ALX1: variants seen among roughly 807,000 people sequenced by gnomAD.
ALX1 encodes the protein ALX homeobox 1.
In ALX1, 19 loss-of-function variants were observed where a neutral mutation model predicts 31.7. That is an observed-to-expected ratio of 0.60 (90% CI 0.42 to 0.88). The LOEUF (loss-of-function observed/expected upper bound fraction) is 0.88, where lower values mean the gene tolerates loss of function less well. Ranked by LOEUF, ALX1 falls within the 40% of genes least tolerant of loss-of-function variation. ALX1 has a pLI of 0.00. For synonymous variants in ALX1, 153 were observed against 148.8 expected, an observed-to-expected ratio of 1.03 and a Z score of -0.20; for missense variants, 415 against 407.8, an observed-to-expected ratio of 1.02 and a Z score of -0.15.
chr12:85,291,265 G>A (rs1896814769), intron 3 of ALX1, among the ~76,000 whole-genome samples: 1 of 151,014 alleles, frequency 6.6e-6, no homozygotes, highest in African/African-American at 2.4e-5. Flanking sequence ...CACTGTTGCA[G>A]GGATCAGGAA....
intron 3 of ALX1, among the ~76,000 whole-genome samples, chr12:85,298,224 A>T (rs1298234847): frequency 6.6e-6 from 1 of 151,750 alleles, no homozygotes; most frequent in Non-Finnish European, 1.5e-5. Flanking sequence ...GGAACTATGC[A>T]ATCTTGGGTG....
intron 3 of ALX1, among the ~76,000 whole-genome samples, chr12:85,293,112 C>G (rs1368606214): frequency 6.7e-6 from 1 of 150,262 alleles, no homozygotes; most frequent in Non-Finnish European, 1.5e-5. Context: ...CAATTTGTCA[C>G]TGATAATAAA....
intron 3 of ALX1, among the ~76,000 whole-genome samples, chr12:85,293,346 ATTCTT>A (rs1565942637): frequency 6.7e-6 from 1 of 150,358 alleles, no homozygotes; most frequent in Non-Finnish European, 1.5e-5. Flanking sequence ...GCTACAGTGA[ATTCTT>A]TTCTTAATTT....
intron 3 of ALX1, among the ~76,000 whole-genome samples, chr12:85,298,591 G>C (rs193245279): frequency 4.1e-4 from 62 of 151,784 alleles, no homozygotes; most frequent in Middle Eastern, 3.4e-3. Context: ...AGTGGTGCTG[G>C]GGAGGGGGAA....
chr12:85,284,907 T>G (rs1896728917), intron 2 of ALX1, among the ~76,000 whole-genome samples: 1 of 152,054 alleles, frequency 6.6e-6, no homozygotes. Flanking sequence ...ACGGTATTTC[T>G]TCTTAAAATT....
chr12:85,281,110 C>T (rs1273122732), intron 1 of ALX1, among the ~76,000 whole-genome samples: 10 of 152,102 alleles, frequency 6.6e-5, no homozygotes. Flanking sequence ...ATACAACACG[C>T]GTTGAATGTT....
rs375614518 is a variant in ALX1 at position 85,280,426 on chromosome 12, C to T, written c.165C>T (p.Pro55=). ...GCAAATGCGTGCAGGCCTTCGGACC[C>T]CTGCCCCGCGCCGAGCATCACGTGC... The part of the protein sequence containing the change: ...SAGKCVQAFG[P]LPRAEHHVRL... The change falls in exon 1 of 4, where the codon CCC becomes CCT. Residue 55 remains proline, a synonymous_variant. Transcript: ENST00000316824. The T allele has an allele frequency of 1.2e-6, 2 of 1,612,686 alleles. No homozygotes were observed. The highest frequency in any genetic ancestry group is 1.7e-6 in the Non-Finnish European group (2 of 1,180,036).
chr12:85,292,671 T>G (rs1031630152), intron 3 of ALX1, among the ~76,000 whole-genome samples: 12 of 150,988 alleles, frequency 7.9e-5, no homozygotes, highest in Non-Finnish European at 1.5e-4. Context: ...AAAATGAAAT[T>G]TTAAGGTTTT....
intron 3 of ALX1, among the ~76,000 whole-genome samples, chr12:85,294,686 T>C (rs1896863681): frequency 6.6e-6 from 1 of 151,196 alleles, no homozygotes. Context: ...TTCGTGCTTT[T>C]AATTTTGCAC....
At chr12:85,284,599 T>G (rs1277406879) in intron 2 of ALX1, among the ~76,000 whole-genome samples, 1 of 152,154 alleles carries the variant, frequency 6.6e-6, no homozygotes, top group Admixed American at 6.5e-5. Context: ...TTCTAGTTAT[T>G]AAATTGGATG....
At chr12:85,300,003 G>A (rs1896942931) in intron 3 of ALX1, among the ~76,000 whole-genome samples, 1 of 151,870 alleles carries the variant, frequency 6.6e-6, no homozygotes, top group African/African-American at 2.4e-5. Context: ...GTTGCTAAAA[G>A]CATTCAGTTT....
intron 3 of ALX1, among the ~76,000 whole-genome samples, chr12:85,300,288 C>T: frequency 6.6e-6 from 1 of 151,772 alleles, no homozygotes. Flanking sequence ...GAATTGTTTC[C>T]TGTGGAGATT....
intron 3 of ALX1, among the ~76,000 whole-genome samples, chr12:85,296,626 TA>T (rs913560367): frequency 1.1e-4 from 16 of 150,424 alleles, no homozygotes; most frequent in African/African-American, 1.5e-4. Flanking sequence ...CCCTAATATT[TA>T]AAAAAAAAGT....
chr12:85,286,539 A>G (rs950418137), intron 2 of ALX1, among the ~76,000 whole-genome samples: 1 of 151,890 alleles, frequency 6.6e-6, no homozygotes, highest in Admixed American at 6.6e-5. Flanking sequence ...AGATATATGG[A>G]GTATTCAGGA....
intron 3 of ALX1, among the ~76,000 whole-genome samples, chr12:85,294,482 C>T (rs1163350362): frequency 6.6e-6 from 1 of 151,018 alleles, no homozygotes; most frequent in Admixed American, 6.6e-5. Context: ...GTGAGAGTTT[C>T]TATAAATCTT....
rs1392248773 is a variant in ALX1 at position 85,280,254 on chromosome 12, C to T, written c.-8C>T. Reference sequence around the variant, plus strand: ...GCCCCAGGAGCTACGCGACAGTCTTCCAGGATTATGGAGTTTCTGAGCGAG... The same window carrying T: ...GCCCCAGGAGCTACGCGACAGTCTTTCAGGATTATGGAGTTTCTGAGCGAG... On this transcript the variant is annotated 5_prime_UTR_variant, in exon 1 of 4. Coordinates refer to ENST00000316824, the MANE Select transcript of ALX1 (RefSeq NM_006982.3). The T allele has an allele frequency of 6.3e-7, 1 of 1,591,934 alleles. No individual in the cohort carries two copies. Among genetic ancestry groups the T allele is most frequent in the South Asian group, 1.1e-5 (1 of 90,868 alleles).
chr12:85,286,462 G>A (rs75757139), intron 2 of ALX1, among the ~76,000 whole-genome samples: 5,066 of 151,958 alleles, frequency 0.033, 289 homozygotes, highest in African/African-American at 0.11. Context: ...CTGAGTTTAC[G>A]TTACGGCATA....
chr12:85,288,517 A>G (rs1441462054), intron 3 of ALX1, among the ~76,000 whole-genome samples: 2 of 151,422 alleles, frequency 1.3e-5, no homozygotes, highest in South Asian at 2.1e-4. Context: ...TTTCTAAACA[A>G]AATTCTGTAA....
At chr12:85,282,777 T>C (rs1300464845) in intron 1 of ALX1, among the ~76,000 whole-genome samples, 1 of 152,160 alleles carries the variant, frequency 6.6e-6, no homozygotes, top group Non-Finnish European at 1.5e-5. Context: ...AATGTTTTAA[T>C]AGCTGTTTTA....
Sources: allele counts gnomAD v4.1 joint callset (sites outside exome capture counted in the v4.1 genomes callset), GRCh38; gene constraint gnomAD v4.1.1; transcripts MANE v1.5; gene names NCBI Gene and HGNC (gene_info 2026-07-23, HGNC 2026-07-21).